SPMIP2: variants seen among roughly 807,000 people sequenced by gnomAD.
SPMIP2 encodes protein SPMIP2.
the SPMIP2 span, among the ~76,000 whole-genome samples, chr4:159,069,933 A>T: frequency 6.6e-6 from 1 of 152,180 alleles, no homozygotes; most frequent in Non-Finnish European, 1.5e-5. Flanking sequence ...CTAATAGCAG[A>T]GATTGCATAT....
At chr4:159,065,619 GA>G in the SPMIP2 span, among the ~76,000 whole-genome samples, 1 of 152,196 alleles carries the variant, frequency 6.6e-6, no homozygotes, top group Admixed American at 6.5e-5. Context: ...TTGGGAGGCT[GA>G]GGTGGGAGGA....
chr4:158,924,991 A>G, the SPMIP2 span, among the ~76,000 whole-genome samples: 1 of 152,234 alleles, frequency 6.6e-6, no homozygotes, highest in Non-Finnish European at 1.5e-5. Context: ...ATCTATATTC[A>G]TAGCAGGTAT....
the SPMIP2 span, among the ~76,000 whole-genome samples, chr4:159,069,101 G>A: frequency 1.3e-5 from 2 of 152,216 alleles, no homozygotes; most frequent in African/African-American, 4.8e-5. Context: ...TCAGGAGTTC[G>A]AGACTAGCCT....
chr4:159,010,739 G>A, the SPMIP2 span, among the ~76,000 whole-genome samples: 1 of 152,044 alleles, frequency 6.6e-6, no homozygotes, highest in Non-Finnish European at 1.5e-5. Flanking sequence ...CAGCTTTGTT[G>A]GCAACTGAGC....
At chr4:159,055,685 G>A in the SPMIP2 span, among the ~76,000 whole-genome samples, 2 of 152,204 alleles carry the variant, frequency 1.3e-5, no homozygotes, top group Non-Finnish European at 1.5e-5. Flanking sequence ...ACTCCAGCCT[G>A]GGTGACAGAG....
the SPMIP2 span, among the ~76,000 whole-genome samples, chr4:158,901,235 G>T: frequency 6.7e-6 from 1 of 148,378 alleles, no homozygotes; most frequent in South Asian, 2.1e-4. Context: ...CCAGGTTTAA[G>T]CAATTCTCTG....
chr4:158,904,449 C>G, the SPMIP2 span: 1 of 1,600,128 alleles, frequency 6.2e-7, no homozygotes, highest in Non-Finnish European at 8.6e-7. Context: ...ATATTCTTTT[C>G]TTTTCTCAAT....
At chr4:159,023,911 T>C in the SPMIP2 span, among the ~76,000 whole-genome samples, 2 of 152,138 alleles carry the variant, frequency 1.3e-5, no homozygotes, top group Admixed American at 1.3e-4. Context: ...ATCTCTCCTC[T>C]CCTCCACGAG....
chr4:159,068,358 T>A, the SPMIP2 span, among the ~76,000 whole-genome samples: 1 of 152,122 alleles, frequency 6.6e-6, no homozygotes, highest in Non-Finnish European at 1.5e-5. Context: ...ATGTCCTTTG[T>A]GGGGTCACGG....
chr4:159,047,555 A>G, the SPMIP2 span, among the ~76,000 whole-genome samples: 1 of 152,162 alleles, frequency 6.6e-6, no homozygotes, highest in Non-Finnish European at 1.5e-5. Context: ...CAGGGTTTCC[A>G]TCAGTCATCT....
the SPMIP2 span, among the ~76,000 whole-genome samples, chr4:159,067,226 T>TAA: frequency 1.6e-4 from 24 of 151,486 alleles, no homozygotes; most frequent in East Asian, 5.8e-4. Context: ...AGAATCTATT[T>TAA]AAAAAAAAAC....
the SPMIP2 span, among the ~76,000 whole-genome samples, chr4:158,958,822 T>C: frequency 6.6e-6 from 1 of 152,202 alleles, no homozygotes; most frequent in South Asian, 2.1e-4. Flanking sequence ...GTTATTGGTG[T>C]CTGACTAGTT....
the SPMIP2 span, chr4:158,973,228 T>A: frequency 6.2e-7 from 1 of 1,613,838 alleles, no homozygotes; most frequent in Non-Finnish European, 8.5e-7. Flanking sequence ...AGATCTCCAG[T>A]TTTTTCTAAC....
chr4:159,072,863 T>C, the SPMIP2 span, among the ~76,000 whole-genome samples: 1 of 152,352 alleles, frequency 6.6e-6, no homozygotes, highest in African/African-American at 2.4e-5. Flanking sequence ...TTGATAAGTA[T>C]AACAAAACAT....
At chr4:158,958,324 T>G in the SPMIP2 span, among the ~76,000 whole-genome samples, 1 of 152,216 alleles carries the variant, frequency 6.6e-6, no homozygotes, top group African/African-American at 2.4e-5. Flanking sequence ...GAGATGGGGT[T>G]TCGTCATGTT....
At chr4:158,913,268 G>A in the SPMIP2 span, among the ~76,000 whole-genome samples, 1 of 152,198 alleles carries the variant, frequency 6.6e-6, no homozygotes, top group Admixed American at 6.5e-5. Flanking sequence ...TGTCACGCAG[G>A]CTGGAGTGCA....
chr4:158,981,257 A>G, the SPMIP2 span, among the ~76,000 whole-genome samples: 24 of 152,340 alleles, frequency 1.6e-4, no homozygotes, highest in East Asian at 4.6e-3. Flanking sequence ...GACAGGGAGA[A>G]TGGAACCAAG....
the SPMIP2 span, among the ~76,000 whole-genome samples, chr4:159,059,690 G>A: frequency 6.6e-6 from 1 of 152,200 alleles, no homozygotes; most frequent in East Asian, 1.9e-4. Context: ...ATTTTAAAAT[G>A]CAGGTGAGTT....
At chr4:159,037,604 C>T in the SPMIP2 span, among the ~76,000 whole-genome samples, 4 of 151,644 alleles carry the variant, frequency 2.6e-5, no homozygotes, top group Non-Finnish European at 4.4e-5. Flanking sequence ...CATGGCAAGA[C>T]CCCCATCTCT....
Sources: gnomAD v4.1 joint callset for allele counts (sites outside exome capture counted in the v4.1 genomes callset) on GRCh38, gnomAD v4.1.1 for gene constraint, MANE v1.5 for transcripts, NCBI Gene and HGNC (gene_info 2026-07-23, HGNC 2026-07-21) for gene names.